The following ARHGAP15 variants were observed in gnomAD, a reference collection of about 807,000 sequenced individuals.
ARHGAP15 encodes the protein rho GTPase-activating protein 15.
Under a neutral mutation model 63.7 loss-of-function variants are expected in ARHGAP15, and 51 were observed. That is an observed-to-expected ratio of 0.80 (90% confidence interval 0.64 to 1.01). The LOEUF (loss-of-function observed/expected upper bound fraction) is 1.01, where lower values mean the gene tolerates loss of function less well. Among genes scored for constraint, ARHGAP15 ranks in the 50% least tolerant of loss-of-function variants. The probability of loss-of-function intolerance (pLI) is 0.00; values close to 1 mark genes in which losing one functional copy is unlikely to be tolerated. For missense variants in ARHGAP15, 560 were observed against 564.6 expected (o/e 0.99, Z 0.08); for synonymous variants, 191 against 193.8 (o/e 0.99, Z 0.12).
At chr2:143,747,468 A>G (rs1348162135) in intron 13 of ARHGAP15, among the ~76,000 whole-genome samples, 1 of 152,148 alleles carries the variant, frequency 6.6e-6, no homozygotes, top group African/African-American at 2.4e-5. Context: ...ATGACATGTA[A>G]CCACCATTAT....
chr2:143,305,946 A>C (rs1458291589), intron 6 of ARHGAP15, among the ~76,000 whole-genome samples: 1 of 152,162 alleles, frequency 6.6e-6, no homozygotes, highest in Non-Finnish European at 1.5e-5. Context: ...ATATTCGCCA[A>C]ATAAGTGCAC....
At chr2:143,393,897 A>G (rs1160491494) in intron 6 of ARHGAP15, among the ~76,000 whole-genome samples, 1 of 152,046 alleles carries the variant, frequency 6.6e-6, no homozygotes, top group Non-Finnish European at 1.5e-5. Context: ...GAAAATATCT[A>G]CTCGGCAAGC....
chr2:143,211,184 G>A (rs970143613), intron 3 of ARHGAP15, among the ~76,000 whole-genome samples: 25 of 151,814 alleles, frequency 1.6e-4, no homozygotes, highest in African/African-American at 5.8e-4. Context: ...GACAGTATGG[G>A]AATAAGTGAA....
chr2:143,550,916 A>T (rs1323827369), intron 10 of ARHGAP15, among the ~76,000 whole-genome samples: 2 of 152,210 alleles, frequency 1.3e-5, no homozygotes, highest in Non-Finnish European at 2.9e-5. Flanking sequence ...AGTGGTAGAG[A>T]GAAGTAAGAG....
intron 8 of ARHGAP15, among the ~76,000 whole-genome samples, chr2:143,468,643 A>T (rs1039335275): frequency 1.6e-5 from 1 of 63,380 alleles, no homozygotes; most frequent in African/African-American, 7.9e-5. Context: ...TGAGAGAGAG[A>T]GAGAGAGAGA....
At position 143,278,124 on chromosome 2, in the gene ARHGAP15, A is replaced by G. The variant is rs539516690; in HGVS notation, c.474+27524A>G. Among the ~76,000 whole-genome samples the G allele has an allele frequency of 9.8e-5, 15 of 152,286 alleles. 1 individual carries two copies. In the South Asian group the frequency reaches 1.9e-3, roughly 19 times the overall value. ...AAACAGTGCCAGGGTTGGTTAATTC[A>G]ATAGCTCAGTGACATCATTGACAAC... On this transcript the variant is annotated intron_variant, in intron 6 of 13. Coordinates refer to ENST00000295095, the MANE Select transcript of ARHGAP15 (RefSeq NM_018460.4).
intron 8 of ARHGAP15, among the ~76,000 whole-genome samples, chr2:143,463,653 G>A (rs149226866): frequency 2.0e-5 from 3 of 152,032 alleles, no homozygotes; most frequent in East Asian, 1.9e-4. Flanking sequence ...CATCTTACTG[G>A]TAGTGGTACT....
intron 6 of ARHGAP15, among the ~76,000 whole-genome samples, chr2:143,278,931 C>T (rs959172395): frequency 2.8e-5 from 4 of 144,512 alleles, no homozygotes. Flanking sequence ...ATTTATTATA[C>T]ATTGTAGGTG....
At chr2:143,660,967 G>C (rs72859635) in intron 12 of ARHGAP15, among the ~76,000 whole-genome samples, 2 of 152,310 alleles carry the variant, frequency 1.3e-5, no homozygotes, top group Non-Finnish European at 2.9e-5. Context: ...AGTGTTCTTA[G>C]AACTGTGTTT....
rs1694948416 is a variant in ARHGAP15 at position 143,539,579 on chromosome 2, G to A, written c.926-16829G>A. ...TGTCCCAGAGATTCTGGTATGTTGT[G>A]TCTTTGTTCTCGTTGGTTTCAAAGA... is the stretch of plus-strand genomic sequence containing the variant. On this transcript the variant is annotated intron_variant, in intron 10 of 13. Transcript: ENST00000295095. Among the ~76,000 whole-genome samples the A allele has an allele frequency of 3.9e-5, 6 of 152,122 alleles. No homozygotes were observed. In the South Asian group the frequency reaches 1.3e-3, roughly 32 times the overall value.
At chr2:143,393,715 G>A (rs1455281169) in intron 6 of ARHGAP15, among the ~76,000 whole-genome samples, 4 of 124,668 alleles carry the variant, frequency 3.2e-5, no homozygotes, top group African/African-American at 9.4e-5. Context: ...GTGACAGAGC[G>A]AGACTCTGTC....
At chr2:143,478,136 T>A (rs772846817) in intron 8 of ARHGAP15, among the ~76,000 whole-genome samples, 5 of 152,150 alleles carry the variant, frequency 3.3e-5, no homozygotes, top group Non-Finnish European at 5.9e-5. Context: ...TGGTGAGTGA[T>A]TTGTCTTCTG....
chr2:143,297,838 G>A (rs1370612422), intron 6 of ARHGAP15, among the ~76,000 whole-genome samples: 1 of 151,894 alleles, frequency 6.6e-6, no homozygotes, highest in East Asian at 1.9e-4. Flanking sequence ...ATGCAGTCAG[G>A]AAATAATACA....
At chr2:143,153,779 C>CA (rs1689934801) in intron 1 of ARHGAP15, among the ~76,000 whole-genome samples, 12 of 24,700 alleles carry the variant, frequency 4.9e-4, no homozygotes, top group African/African-American at 2.0e-3. Flanking sequence ...TATAATAAAT[C>CA]TTCTTCTTCT....
chr2:143,294,958 T>A (rs1488133075), intron 6 of ARHGAP15, among the ~76,000 whole-genome samples: 1 of 152,084 alleles, frequency 6.6e-6, no homozygotes, highest in African/African-American at 2.4e-5. Flanking sequence ...ATTCGATATG[T>A]CTTGGGCATT....
intron 6 of ARHGAP15, among the ~76,000 whole-genome samples, chr2:143,386,751 C>T (rs1012146580): frequency 2.0e-5 from 3 of 152,260 alleles, no homozygotes; most frequent in East Asian, 1.9e-4. Flanking sequence ...ACAACAACCT[C>T]ACTACTTTGC....
At chr2:143,315,114 C>T (rs776297498) in intron 6 of ARHGAP15, among the ~76,000 whole-genome samples, 2 of 152,126 alleles carry the variant, frequency 1.3e-5, no homozygotes, top group Non-Finnish European at 2.9e-5. Context: ...TGAGTTCTTG[C>T]AGCAACAATT....
At chr2:143,399,532 G>A (rs1436086932) in intron 6 of ARHGAP15, among the ~76,000 whole-genome samples, 1 of 152,020 alleles carries the variant, frequency 6.6e-6, no homozygotes, top group Non-Finnish European at 1.5e-5. Flanking sequence ...AGTTGCTGGT[G>A]AGTTGGAAAA....
At chr2:143,149,187 G>A (rs1689714806) in intron 1 of ARHGAP15, among the ~76,000 whole-genome samples, 1 of 152,024 alleles carries the variant, frequency 6.6e-6, no homozygotes, top group South Asian at 2.1e-4. Flanking sequence ...ATGTAGAGCA[G>A]GGAATGGGGT....
Sources: gnomAD v4.1 joint callset for allele counts (sites outside exome capture counted in the v4.1 genomes callset) on GRCh38, gnomAD v4.1.1 for gene constraint, MANE v1.5 for transcripts, NCBI Gene and HGNC (gene_info 2026-07-23, HGNC 2026-07-21) for gene names.